Variants in KCNH5 observed in about 807,000 individuals in gnomAD.
The protein encoded by KCNH5 is voltage-gated delayed rectifier potassium channel KCNH5.
A neutral mutation model predicts 96.1 loss-of-function variants in KCNH5; 46 were observed. The ratio of observed to expected loss-of-function variants is 0.48; its 90% CI spans 0.38 to 0.61. KCNH5 has a LOEUF of 0.61. Among genes scored for constraint, KCNH5 ranks in the 20% least tolerant of loss-of-function variants. KCNH5 has a pLI of 0.00. For synonymous variants in KCNH5, 439 were observed against 449.8 expected, an observed-to-expected ratio of 0.98 and a Z score of 0.30; for missense variants, 907 against 1,225.8, an observed-to-expected ratio of 0.74 and a Z score of 3.88.
intron 1 of KCNH5, among the ~76,000 whole-genome samples, chr14:63,023,718 T>C (rs1891472206): frequency 6.6e-6 from 1 of 152,170 alleles, no homozygotes; most frequent in African/African-American, 2.4e-5. Context: ...ATAGATCAAC[T>C]CTTAGGCCAC....
Position 62,751,682 on chromosome 14 carries a change from A to G in KCNH5, c.2019+28046T>C, listed in dbSNP as rs969924699. ...TCCCTTGTTCAGGCCAAGAGCCAGGAGGGCAGCCCCATGTGGGGGATGAGC... is the reference window on the plus strand; with the variant it reads ...TCCCTTGTTCAGGCCAAGAGCCAGGGGGGCAGCCCCATGTGGGGGATGAGC... On this transcript the variant is annotated intron_variant, in intron 10 of 10. Coordinates refer to ENST00000322893, the MANE Select transcript of KCNH5 (RefSeq NM_139318.5). Among the ~76,000 whole-genome samples the G allele has an allele frequency of 2.0e-5, 3 of 152,240 alleles. No homozygotes were observed. In the East Asian group the frequency reaches 5.8e-4, roughly 29 times the overall value.
intron 1 of KCNH5, among the ~76,000 whole-genome samples, chr14:63,024,492 T>C (rs758702826): frequency 6.6e-6 from 1 of 151,910 alleles, no homozygotes; most frequent in African/African-American, 2.4e-5. Context: ...TCAGTGAAAC[T>C]ACAAGTTGGT....
chr14:62,901,418 C>T (rs1888923603), intron 7 of KCNH5, among the ~76,000 whole-genome samples: 1 of 152,080 alleles, frequency 6.6e-6, no homozygotes, highest in Admixed American at 6.5e-5. Context: ...CTATTACTGC[C>T]ATATTTATGT....
intron 7 of KCNH5, among the ~76,000 whole-genome samples, chr14:62,873,819 G>A (rs541859329): frequency 4.6e-5 from 7 of 152,296 alleles, no homozygotes; most frequent in South Asian, 4.1e-4. Context: ...ACTGTCACCA[G>A]TCTGCTGCTG....
chr14:62,813,236 G>C (rs1886907913), intron 8 of KCNH5, among the ~76,000 whole-genome samples: 1 of 152,112 alleles, frequency 6.6e-6, no homozygotes, highest in South Asian at 2.1e-4. Context: ...GCATTTGAAA[G>C]AGGGATGGCA....
intron 8 of KCNH5, among the ~76,000 whole-genome samples, chr14:62,805,322 T>C (rs1416923838): frequency 6.6e-6 from 1 of 152,196 alleles, no homozygotes; most frequent in Non-Finnish European, 1.5e-5. Context: ...ACATTATGAG[T>C]ACACCTTTCC....
At chr14:62,973,263 C>T (rs1890442687) in intron 6 of KCNH5, among the ~76,000 whole-genome samples, 1 of 152,172 alleles carries the variant, frequency 6.6e-6, no homozygotes, top group African/African-American at 2.4e-5. Context: ...TGTTGGCATG[C>T]TATCATCAGC....
intron 6 of KCNH5, among the ~76,000 whole-genome samples, chr14:62,960,257 T>C (rs532551796): frequency 6.6e-6 from 1 of 152,276 alleles, no homozygotes; most frequent in African/African-American, 2.4e-5. Flanking sequence ...CTTTCTGATC[T>C]AGATCAGGTC....
In KCNH5 at chr14:62,921,162, CA is replaced by C. The variant is rs371128575; in HGVS notation, c.1369+28970del. Among the ~76,000 whole-genome samples the C allele has an allele frequency of 2.0e-3, 298 of 150,400 alleles. 6 individuals carry two copies. The highest frequency in any genetic ancestry group is 6.8e-3 in the African/African-American group (279 of 41,056). Reference sequence around the variant, plus strand: ...GGGGAAGCTGACATAAGTTCAGAAACAAAAAAAAAGTCAAATGTGGTTCAGC... The same window carrying C: ...GGGGAAGCTGACATAAGTTCAGAAACAAAAAAAAGTCAAATGTGGTTCAGC... On this transcript the variant is annotated intron_variant, in intron 7 of 10. Coordinates refer to ENST00000322893, the MANE Select transcript of KCNH5 (RefSeq NM_139318.5).
At chr14:63,012,812 A>G (rs1891253304) in intron 2 of KCNH5, among the ~76,000 whole-genome samples, 1 of 151,872 alleles carries the variant, frequency 6.6e-6, no homozygotes, top group Non-Finnish European at 1.5e-5. Flanking sequence ...CATAAATATT[A>G]CAGTGTGGTA....
Position 62,802,648 on chromosome 14 carries a change from T to C in KCNH5, c.1570-67A>G. On this transcript the variant is annotated intron_variant, in intron 8 of 10. Coordinates refer to ENST00000322893, the MANE Select transcript of KCNH5 (RefSeq NM_139318.5). ...AGGGGCCACTTCAGAAAAACAATCA[T>C]CCAACAAATATTTATTGACTATGAC... 5 of 1,550,786 alleles carry C rather than the reference T, an allele frequency of 3.2e-6. No homozygotes were observed. The South Asian group carries it at 4.7e-5, about 15-fold the overall frequency.
At chr14:62,914,441 G>A (rs1034832652) in intron 7 of KCNH5, among the ~76,000 whole-genome samples, 2 of 152,166 alleles carry the variant, frequency 1.3e-5, no homozygotes, top group Admixed American at 6.5e-5. Flanking sequence ...TTAAAATAAT[G>A]ATCTTATATA....
rs927484891 is a variant in KCNH5, at chr14:63,031,385, A to T, written c.73+13729T>A. The stretch of plus-strand genomic sequence containing the variant: ...GATCAATAATCCTGGCTGATAAAAA[A>T]TTCTGGACAAAGGAAGGTTATATTC... On this transcript the variant is annotated intron_variant, in intron 1 of 10. Transcript: ENST00000322893. 3.2e-4 allele frequency among the ~76,000 whole-genome samples: 48 copies of T among 152,182 alleles called. 1 individual carries two copies. The highest frequency in any genetic ancestry group is 1.2e-3 in the African/African-American group (48 of 41,442).
chr14:62,874,102 C>G (rs1285552077), intron 7 of KCNH5, among the ~76,000 whole-genome samples: 1 of 152,190 alleles, frequency 6.6e-6, no homozygotes, highest in East Asian at 1.9e-4. Flanking sequence ...ACCTCCTGGA[C>G]TTTCATTCCC....
intron 7 of KCNH5, among the ~76,000 whole-genome samples, chr14:62,931,961 G>A (rs977941715): frequency 6.6e-6 from 1 of 152,150 alleles, no homozygotes; most frequent in African/African-American, 2.4e-5. Flanking sequence ...CTTCCAGAGA[G>A]ATCAGTGCAA....
intron 7 of KCNH5, among the ~76,000 whole-genome samples, chr14:62,911,608 CT>C (rs1293813448): frequency 6.6e-6 from 1 of 151,906 alleles, no homozygotes; most frequent in Non-Finnish European, 1.5e-5. Flanking sequence ...AAATAGACAA[CT>C]TGATCAATAA....
chr14:62,994,416 T>C (rs550336432), intron 4 of KCNH5, among the ~76,000 whole-genome samples: 1 of 152,200 alleles, frequency 6.6e-6, no homozygotes, highest in South Asian at 2.1e-4. Flanking sequence ...GGCCATCTCT[T>C]TTAGAACACA....
At chr14:63,032,077 G>A (rs1891639006) in intron 1 of KCNH5, among the ~76,000 whole-genome samples, 2 of 144,860 alleles carry the variant, frequency 1.4e-5, no homozygotes, top group South Asian at 4.6e-4. Flanking sequence ...AAATGGAGAG[G>A]AGTTGAGAAG....
intron 8 of KCNH5, among the ~76,000 whole-genome samples, chr14:62,839,007 T>A (rs1339478546): frequency 6.6e-6 from 1 of 152,088 alleles, no homozygotes; most frequent in African/African-American, 2.4e-5. Context: ...CAAAAAAATG[T>A]ACATAACCTT....
Sources: gnomAD v4.1 joint callset for allele counts (sites outside exome capture counted in the v4.1 genomes callset) on GRCh38, gnomAD v4.1.1 for gene constraint, MANE v1.5 for transcripts, NCBI Gene and HGNC (gene_info 2026-07-23, HGNC 2026-07-21) for gene names.